The following GARS1 variants were observed in gnomAD, a reference collection of about 807,000 sequenced individuals.
GARS1 encodes glycine--tRNA ligase.
Under a neutral mutation model 86.4 loss-of-function variants are expected in GARS1, and 46 were observed. The observed-to-expected ratio is 0.53, with a 90% CI of 0.42 to 0.68. The LOEUF (loss-of-function observed/expected upper bound fraction) is 0.68. GARS1 is among the 30% of genes least tolerant of loss of function. The pLI, the probability that GARS1 is intolerant of heterozygous loss-of-function variation, is 0.00. For missense variants in GARS1, 797 were observed against 915.6 expected (o/e 0.87, Z 1.67); for synonymous variants, 342 against 329.8 (o/e 1.04, Z -0.40).
intron 15 of GARS1, 146 bp downstream of exon 15, chr7:30,631,687 T>C (rs1783238465): frequency 1.5e-6 from 1 of 668,122 alleles, no homozygotes; most frequent in Non-Finnish European, 2.7e-6. Context: ...TAGCCTGTAC[T>C]CTTATTTCTA....
At chr7:30,594,854 G>T (rs919647902), upstream of GARS1, 5 of 1,359,440 alleles carry the variant, frequency 3.7e-6, no homozygotes, top group Non-Finnish European at 5.0e-6. Flanking sequence ...ATTTCATCAT[G>T]CTCCGAGCCG....
At chr7:30,628,209 A>C (rs1783164653) in intron 13 of GARS1, among the ~76,000 whole-genome samples, 1 of 150,740 alleles carries the variant, frequency 6.6e-6, no homozygotes, top group Non-Finnish European at 1.5e-5. Context: ...TTTGAGATGA[A>C]GTCTCGCCCT....
intron 14 of GARS1, among the ~76,000 whole-genome samples, chr7:30,629,638 C>T (rs554297880): frequency 2.0e-4 from 30 of 152,278 alleles, no homozygotes; most frequent in Admixed American, 1.5e-3. Flanking sequence ...AGTGAGTTCT[C>T]GGCACCAGTA....
chr7:30,621,702 ATGTT>A (rs1326966455), intron 11 of GARS1: 2 of 605,208 alleles, frequency 3.3e-6, no homozygotes, highest in Non-Finnish European at 5.9e-6. Context: ...TGCCCACTCA[ATGTT>A]TGGCCTTTAA....
chr7:30,606,289 T>G (rs1427589175), intron 6 of GARS1, among the ~76,000 whole-genome samples: 1 of 149,274 alleles, frequency 6.7e-6, no homozygotes, highest in Non-Finnish European at 1.5e-5. Flanking sequence ...AAATGGTGAT[T>G]TTTGTCATTG....
chr7:30,603,448 A>T (rs764842604), intron 5 of GARS1, 48 bp from the exon 6 acceptor site: 2 of 1,438,020 alleles, frequency 1.4e-6, no homozygotes, highest in African/African-American at 2.8e-5. Context: ...TGAAAAGTGC[A>T]TTGTCCTTTT....
intron 12 of GARS1, among the ~76,000 whole-genome samples, chr7:30,623,491 A>AGTAGAT (rs1783061605): frequency 6.6e-6 from 1 of 152,212 alleles, no homozygotes; most frequent in Non-Finnish European, 1.5e-5. Context: ...TGGGATTAAC[A>AGTAGAT]GTAGATTAAA....
At chr7:30,609,054 C>T (rs911248687) in intron 6 of GARS1, among the ~76,000 whole-genome samples, 1 of 152,146 alleles carries the variant, frequency 6.6e-6, no homozygotes, top group Non-Finnish European at 1.5e-5. Context: ...GTGCAATACA[C>T]TGGAAAATGC....
chr7:30,627,749 TG>T (rs1440820985), intron 13 of GARS1, among the ~76,000 whole-genome samples: 3 of 152,252 alleles, frequency 2.0e-5, no homozygotes, highest in Non-Finnish European at 2.9e-5. Flanking sequence ...AATTTGGTTC[TG>T]AACAAGTTCT....
In GARS1 at chr7:30,616,022, C is replaced by T. The variant is rs373576697; in HGVS notation, c.1158C>T (p.Ser386=). Residue 386 remains serine, a synonymous_variant, in exon 9 of 17, where the codon TCC becomes TCT. Transcript: ENST00000389266. ...CAAAAGCCCAGGTCAGCGGACAGTC[C>T]GCTCGGAAAATGCGCCTGGGAGATG... is the stretch of plus-strand genomic sequence containing the variant. ...YSAKAQVSGQ[S]ARKMRLGDAV... 143 of 1,614,018 alleles carry T rather than the reference C, an allele frequency of 8.9e-5. No homozygotes were observed. In the Middle Eastern group the frequency reaches 1.6e-3, roughly 19 times the overall value.
At chr7:30,631,652 T>C (rs1783237885) in intron 15 of GARS1, 111 bp downstream of exon 15, 1 of 771,592 alleles carries the variant, frequency 1.3e-6, no homozygotes, top group Non-Finnish European at 2.3e-6. Flanking sequence ...AGAATATAAA[T>C]GATTTTATAA....
In GARS1 at chr7:30,626,231, T is replaced by C. The variant is rs1740342634; in HGVS notation, c.1614-3T>C. ...ATACAAAATGTGTTTTGTTTCTTCG[T>C]AGGGAATTCACAATTGAAACTGAAG... On this transcript the variant is annotated splice_polypyrimidine_tract_variant and splice_region_variant and intron_variant, in intron 12 of 16. Coordinates refer to ENST00000389266, the MANE Select transcript of GARS1 (RefSeq NM_002047.4). 1 of 1,592,402 alleles carries C rather than the reference T, an allele frequency of 6.3e-7. No homozygotes were observed. Among genetic ancestry groups the C allele is most frequent in the African/African-American group, 1.3e-5 (1 of 74,458 alleles).
Position 30,622,304 on chromosome 7 carries a change from G to C in GARS1, c.1468-13G>C. 1 of 1,613,942 alleles carries C rather than the reference G, an allele frequency of 6.2e-7. No individual in the cohort carries two copies. The highest frequency in any genetic ancestry group is 1.1e-5 in the South Asian group (1 of 91,026). On this transcript the variant is annotated splice_polypyrimidine_tract_variant and intron_variant, in intron 11 of 16. Transcript: ENST00000389266. Reference sequence around the variant, plus strand: ...GCAGTGCTGTAGTTTTGGATTCCTTGACTACTTCATACAAAACAGTCAATG... The same window carrying C: ...GCAGTGCTGTAGTTTTGGATTCCTTCACTACTTCATACAAAACAGTCAATG...
At chr7:30,597,522 C>T in intron 1 of GARS1, among the ~76,000 whole-genome samples, 1 of 152,174 alleles carries the variant, frequency 6.6e-6, no homozygotes, top group East Asian at 1.9e-4. Flanking sequence ...AGACTTTCCA[C>T]ATTGGTCTTT....
intron 12 of GARS1, among the ~76,000 whole-genome samples, chr7:30,622,969 C>T (rs1562780548): frequency 6.6e-6 from 1 of 151,850 alleles, no homozygotes; most frequent in South Asian, 2.1e-4. Flanking sequence ...GGCATGGTGG[C>T]GGGCGCCTGT....
chr7:30,615,910 C>T lies in GARS1; in HGVS notation c.1046C>T (p.Ala349Val). 1.9e-6 allele frequency: 3 copies of T among 1,614,164 alleles called. No individual in the cohort carries two copies. Among genetic ancestry groups the T allele is most frequent in the Non-Finnish European group, 2.5e-6 (3 of 1,180,024 alleles). Residue 349 changes from alanine to valine, a missense_variant, in exon 9 of 17, where the codon GCA becomes GTA. This residue lies in a region of GARS1 where 598 missense variants were observed against 738.7 expected (regional missense o/e 0.81). Transcript: ENST00000389266. ...TTTGCTTTCAGAGAATTCACAATGG[C>T]AGAAATTGAGCACTTTGTAGATCCC... ...GLIRVREFTM[A>V]EIEHFVDPSE... is the part of the protein sequence containing the mutation.
chr7:30,624,896 G>T (rs1418624606), intron 12 of GARS1, among the ~76,000 whole-genome samples: 1 of 152,006 alleles, frequency 6.6e-6, no homozygotes, highest in South Asian at 2.1e-4. Context: ...CATAAACACA[G>T]TTTGCTTTAT....
chr7:30,595,195 T>A (rs752272200), intron 1 of GARS1, 52 bp downstream of exon 1: 2 of 1,425,556 alleles, frequency 1.4e-6, no homozygotes, highest in Admixed American at 4.0e-5. Flanking sequence ...TCCCAGGGCC[T>A]TCTTCTGGTC....
chr7:30,600,368 T>C (rs908303974), intron 3 of GARS1, among the ~76,000 whole-genome samples: 17 of 152,162 alleles, frequency 1.1e-4, no homozygotes. Context: ...CAGAGGGCCA[T>C]TGTAGTACTG....
Sources: allele counts gnomAD v4.1 joint callset (sites outside exome capture counted in the v4.1 genomes callset), GRCh38; gene constraint gnomAD v4.1.1; regional missense constraint gnomAD v4.1.1; transcripts MANE v1.5; gene names NCBI Gene and HGNC (gene_info 2026-07-23, HGNC 2026-07-21).